Variants in REPS2 observed in about 807,000 individuals in gnomAD.
The protein encoded by REPS2 is RALBP1 associated Eps domain containing 2, also known as ralBP1-associated Eps domain-containing protein 2.
Under a neutral mutation model 53.6 loss-of-function variants are expected in REPS2, and 23 were observed. The observed-to-expected ratio is 0.43, with a 90% CI of 0.31 to 0.61. The LOEUF is 0.61. Ranked by LOEUF, REPS2 falls within the 20% of genes least tolerant of loss-of-function variation. The pLI is 0.11. For missense variants in REPS2, 446 were observed against 534.9 expected (o/e 0.83, Z 1.64); for synonymous variants, 238 against 218.6 (o/e 1.09, Z -0.78).
intron 14 of REPS2, among the ~76,000 whole-genome samples, chrX:17,112,725 G>A (rs1421223289): frequency 3.6e-5 from 4 of 110,989 alleles, no homozygotes; most frequent in South Asian, 3.8e-4. Context: ...CGGCGGGAAA[G>A]TTTTAGCTAT....
At chrX:17,063,369 G>T (rs939094544) in intron 9 of REPS2, among the ~76,000 whole-genome samples, 1 of 111,529 alleles carries the variant, frequency 9.0e-6, no homozygotes, top group Non-Finnish European at 1.9e-5. Context: ...CAGGGAACAG[G>T]GACATTTCTT....
intron 5 of REPS2, among the ~76,000 whole-genome samples, chrX:17,037,643 G>A (rs1308037032): frequency 8.9e-6 from 1 of 112,264 alleles, no homozygotes; most frequent in Non-Finnish European, 1.9e-5. Flanking sequence ...GTATTCCTCA[G>A]GTGCTCACTG....
chrX:16,955,014 T>A (rs1363602325), intron 1 of REPS2, among the ~76,000 whole-genome samples: 2 of 109,326 alleles, frequency 1.8e-5, no homozygotes, highest in Non-Finnish European at 3.8e-5. Context: ...GGTTTCGCCA[T>A]GTTGACTAGG....
intron 1 of REPS2, among the ~76,000 whole-genome samples, chrX:16,983,905 C>T (rs1345231044): frequency 2.7e-5 from 3 of 112,748 alleles, no homozygotes; most frequent in Non-Finnish European, 5.6e-5. Flanking sequence ...CGAAGCACAT[C>T]TGTTTGCCTC....
At position 17,054,963 on chromosome X, in the gene REPS2, C is replaced by G. The variant is rs1177091061; in HGVS notation, c.1114+13C>G. ...TACCTGCAGGCAGGTAAGGCCTCAC[C>G]ATCAACTGTAAACCTTAAGTACTTT... On this transcript the variant is annotated intron_variant, in intron 8 of 17. Coordinates refer to ENST00000357277, the MANE Select transcript of REPS2 (RefSeq NM_004726.3). 1.0e-5 allele frequency: 12 copies of G among 1,204,530 alleles called. No individual in the cohort carries two copies. The highest frequency in any genetic ancestry group is 1.3e-5 in the Non-Finnish European group (12 of 892,071).
At chrX:17,110,989 G>A (rs1302830054) in intron 14 of REPS2, among the ~76,000 whole-genome samples, 2 of 111,878 alleles carry the variant, frequency 1.8e-5, no homozygotes, top group Admixed American at 9.5e-5. Flanking sequence ...ACTCCAGCGT[G>A]GGTGACAGAG....
chrX:17,087,924 C>CGATAGATAGATG (rs1555939206), intron 13 of REPS2, among the ~76,000 whole-genome samples: 1 of 91,280 alleles, frequency 1.1e-5, no homozygotes, highest in Non-Finnish European at 2.2e-5. Flanking sequence ...GAGACTCTGT[C>CGATAGATAGATG]GATAGATAGA....
At chrX:17,033,685 T>A (rs997782883) in intron 5 of REPS2, among the ~76,000 whole-genome samples, 1 of 112,537 alleles carries the variant, frequency 8.9e-6, no homozygotes, top group Non-Finnish European at 1.9e-5. Context: ...TATTAGCCTC[T>A]CTCTTGTTTC....
intron 13 of REPS2, among the ~76,000 whole-genome samples, chrX:17,101,350 T>G (rs755266059): frequency 1.8e-5 from 2 of 111,167 alleles, no homozygotes; most frequent in South Asian, 7.6e-4. Context: ...GCGTGAGCCA[T>G]CGCGCCAGGC....
intron 14 of REPS2, among the ~76,000 whole-genome samples, chrX:17,115,855 A>G (rs1326202125): frequency 2.7e-5 from 3 of 111,993 alleles, no homozygotes; most frequent in Non-Finnish European, 3.8e-5. Flanking sequence ...GGGTAAGGTT[A>G]TAGATTAACA....
the REPS2 span, among the ~76,000 whole-genome samples, chrX:17,161,809 G>A: frequency 3.6e-5 from 4 of 111,791 alleles, no homozygotes; most frequent in African/African-American, 1.3e-4. Flanking sequence ...GTCCACCCAG[G>A]TATTCCTTGG....
rs200906142 is a variant in REPS2, at chrX:17,083,874, GTTTTGTTT to G, written c.1516+6480_1516+6487del. 7.8e-3 allele frequency among the ~76,000 whole-genome samples: 863 copies of G among 110,371 alleles called. 11 individuals are homozygous for G. The highest frequency in any genetic ancestry group is 0.027 in the African/African-American group (830 of 30,315). On this transcript the variant is annotated intron_variant, in intron 13 of 17. Transcript: ENST00000357277. Reference sequence around the variant, plus strand: ...GCAGTCTGGGCAGTTTTTTTGTTTTGTTTTGTTTTTTTGTTTTTTTTAAATGAAAGCGT... The same window carrying G: ...GCAGTCTGGGCAGTTTTTTTGTTTTGTTTTGTTTTTTTTAAATGAAAGCGT...
intron 5 of REPS2, among the ~76,000 whole-genome samples, chrX:17,035,731 CA>C (rs1252460840): frequency 9.0e-6 from 1 of 111,072 alleles, no homozygotes; most frequent in African/African-American, 3.3e-5. Flanking sequence ...CCACTCATCC[CA>C]GGGGCAACTG....
intron 8 of REPS2, among the ~76,000 whole-genome samples, chrX:17,056,455 C>T (rs965723417): frequency 9.0e-6 from 1 of 111,450 alleles, no homozygotes; most frequent in Non-Finnish European, 1.9e-5. Flanking sequence ...TTTGGGAGGC[C>T]GAGGCGGGCG....
chrX:16,966,237 A>G (rs2060766824), intron 1 of REPS2, among the ~76,000 whole-genome samples: 1 of 112,428 alleles, frequency 8.9e-6, no homozygotes, highest in Non-Finnish European at 1.9e-5. Context: ...AATTGTAATG[A>G]GTAAATAACA....
chrX:17,029,800 T>C (rs1404384123), intron 5 of REPS2, among the ~76,000 whole-genome samples, 177 bp downstream of exon 5: 1 of 112,423 alleles, frequency 8.9e-6, no homozygotes, highest in Non-Finnish European at 1.9e-5. Context: ...TTTTCTACTG[T>C]GTATGTCTCT....
the REPS2 span, among the ~76,000 whole-genome samples, chrX:17,183,850 A>G: frequency 1.8e-5 from 2 of 111,786 alleles, no homozygotes; most frequent in African/African-American, 3.3e-5. Context: ...ACTGGCCTTT[A>G]TGCTGTTTCT....
At chrX:17,034,339 C>T (rs1210662203) in intron 5 of REPS2, among the ~76,000 whole-genome samples, 3 of 111,190 alleles carry the variant, frequency 2.7e-5, no homozygotes, top group African/African-American at 9.8e-5. Flanking sequence ...TCTTGTTGCC[C>T]AGGCTGGAGT....
intron 1 of REPS2, among the ~76,000 whole-genome samples, chrX:16,992,942 T>A (rs1186998797): frequency 8.9e-6 from 1 of 111,972 alleles, no homozygotes; most frequent in Admixed American, 9.5e-5. Context: ...TTTTGAGTCT[T>A]GTGGGGAGGA....
Sources: gnomAD v4.1 joint callset for allele counts (sites outside exome capture counted in the v4.1 genomes callset) on GRCh38, gnomAD v4.1.1 for gene constraint, MANE v1.5 for transcripts, NCBI Gene and HGNC (gene_info 2026-07-23, HGNC 2026-07-21) for gene names.